KLHL36: variants seen among roughly 807,000 people sequenced by gnomAD.
The protein encoded by KLHL36 is kelch like family member 36, also known as kelch-like protein 36.
In KLHL36, 35 loss-of-function variants were observed where a neutral mutation model predicts 53.3. That is an observed-to-expected ratio of 0.66 (90% CI 0.50 to 0.87). The LOEUF (loss-of-function observed/expected upper bound fraction) is 0.87, where lower values mean the gene tolerates loss of function less well. Ranked by LOEUF, KLHL36 falls within the 40% of genes least tolerant of loss-of-function variation. The pLI is 0.00. For synonymous variants in KLHL36, 472 were observed against 398.9 expected (o/e 1.18, Z -2.18); for missense variants, 864 against 897.6 (o/e 0.96, Z 0.48).
At position 84,650,950 on chromosome 16, in the gene KLHL36, C is replaced by G. The variant is rs1390872064; in HGVS notation, c.63+20C>G. ...TCAAAGGTCTGTGAATGTTCACTCACCACCTATGCAAATTGCCTAAGAAGT... is the reference window on the plus strand; with the variant it reads ...TCAAAGGTCTGTGAATGTTCACTCAGCACCTATGCAAATTGCCTAAGAAGT... On this transcript the variant is annotated intron_variant, in intron 2 of 4. Coordinates refer to ENST00000564996, the MANE Select transcript of KLHL36 (RefSeq NM_024731.4). 3 of 1,585,400 alleles carry G rather than the reference C, an allele frequency of 1.9e-6. No homozygotes were observed. The highest frequency in any genetic ancestry group is 2.6e-6 in the Non-Finnish European group (3 of 1,165,988).
Position 84,667,382 on chromosome 16 carries a change from C to T in KLHL36, c.*5249C>T, listed in dbSNP as rs1029307753. 5 of 152,186 alleles carry T rather than the reference C, an allele frequency of 3.3e-5. No individual in the cohort carries two copies. The highest frequency in any genetic ancestry group is 4.8e-5 in the African/African-American group (2 of 41,424). 9.4% of individuals were successfully genotyped at this position (152,186 alleles called of 1,614,324 possible). The stretch of plus-strand genomic sequence containing the variant: ...TGGCTACTGATGTTACTGAAATCTG[C>T]AATCGTGTATGTTTTTTAATTTGTT... On this transcript the variant is annotated 3_prime_UTR_variant, in exon 5 of 5. Coordinates refer to ENST00000564996, the MANE Select transcript of KLHL36 (RefSeq NM_024731.4).
At chr16:84,659,243 T>G (rs1907402231) in intron 3 of KLHL36, 1 of 152,574 alleles carries the variant, frequency 6.6e-6, no homozygotes, top group Non-Finnish European at 1.5e-5. Flanking sequence ...CCTCAGGTAA[T>G]CCACCCACCT....
At position 84,663,627 on chromosome 16, in the gene KLHL36, C is replaced by T. The variant is rs1907683416; in HGVS notation, c.*1494C>T. The T allele has an allele frequency of 6.6e-6, 1 of 152,176 alleles. No individual in the cohort carries two copies. 9.4% of individuals were successfully genotyped at this position (152,176 alleles called of 1,614,324 possible). ...GTCTTCCTGCAGACAGTTCCGAGAG[C>T]AGGTCTCGATGTCACTTGCCCTTTA... On this transcript the variant is annotated 3_prime_UTR_variant, in exon 5 of 5. Transcript: ENST00000564996.
In KLHL36 at chr16:84,656,853, T is replaced by G. The variant is rs752008537; in HGVS notation, c.64-18T>G. ...GAGCAGGCTGCTGCGCCGTTTCTAA[T>G]GTGTCTTCTCTGTCCAGGTATACCG... On this transcript the variant is annotated intron_variant, in intron 2 of 4. Coordinates refer to ENST00000564996, the MANE Select transcript of KLHL36 (RefSeq NM_024731.4). 5 of 1,583,712 alleles carry G rather than the reference T, an allele frequency of 3.2e-6. No individual in the cohort carries two copies. The highest frequency in any genetic ancestry group is 3.4e-6 in the Non-Finnish European group (4 of 1,160,608).
In KLHL36 at chr16:84,657,062, G is replaced by A. The variant is rs138180158; in HGVS notation, c.255G>A (p.Lys85=). ...FTIGMREAFQ[K]EVELIGASYI... is the part of the protein sequence containing the mutation. Reference sequence around the variant, plus strand: ...TCGGCATGCGGGAAGCTTTCCAGAAGGAGGTGGAGCTGATCGGCGCCTCCT... The same window carrying A: ...TCGGCATGCGGGAAGCTTTCCAGAAAGAGGTGGAGCTGATCGGCGCCTCCT... The change falls in exon 3 of 5, where the codon AAG becomes AAA. Residue 85 remains lysine, a synonymous_variant. Coordinates refer to ENST00000564996, the MANE Select transcript of KLHL36 (RefSeq NM_024731.4). 2 of 1,614,110 alleles carry A rather than the reference G, an allele frequency of 1.2e-6. No individual in the cohort carries two copies. The highest frequency in any genetic ancestry group is 2.7e-5 in the African/African-American group (2 of 74,952).
rs150814145 is a variant in KLHL36, at chr16:84,660,623, C to T, written c.1295+706C>T. On this transcript the variant is annotated intron_variant, in intron 4 of 4. Coordinates refer to ENST00000564996, the MANE Select transcript of KLHL36 (RefSeq NM_024731.4). ...GTTAGAAGTGTGTGGGGTAAGCGCT[C>T]GTATTTTTGTTTTTCTGAGAGAGAG... 5.5e-4 allele frequency among the ~76,000 whole-genome samples: 84 copies of T among 152,066 alleles called. 1 individual carries two copies. The East Asian group carries it at 0.011, about 20-fold the overall frequency.
At chr16:84,658,457 T>C (rs1907354565) in intron 3 of KLHL36, 1 of 152,510 alleles carries the variant, frequency 6.6e-6, no homozygotes. Context: ...TGGGAGATAG[T>C]TTAAGGAGAC....
At chr16:84,650,678 C>G (rs1906813767) in intron 1 of KLHL36, among the ~76,000 whole-genome samples, 174 bp from the exon 2 acceptor site, 1 of 151,896 alleles carries the variant, frequency 6.6e-6, no homozygotes, top group African/African-American at 2.4e-5. Context: ...TTCTAACAAC[C>G]CGATGATTTC....
rs1907889999 is a variant in KLHL36, at chr16:84,667,206, T to C, written c.*5073T>C. 1 of 152,224 alleles carries C rather than the reference T, an allele frequency of 6.6e-6. No homozygotes were observed. The highest frequency in any genetic ancestry group is 2.1e-4 in the South Asian group (1 of 4,824). 9.4% of individuals were successfully genotyped at this position (152,224 alleles called of 1,614,324 possible). On this transcript the variant is annotated 3_prime_UTR_variant, in exon 5 of 5. Transcript: ENST00000564996. ...CTTTGAGAAAGGACACTCCACCTTTTCAAAGGTACTTAAAGCCATCTTTAC... is the reference window on the plus strand; with the variant it reads ...CTTTGAGAAAGGACACTCCACCTTTCCAAAGGTACTTAAAGCCATCTTTAC...
Position 84,661,624 on chromosome 16 carries a change from A to T in KLHL36, c.1342A>T (p.Ile448Phe). ...CACCATCTACAAAGACTTCGTGTAC[A>T]TCTCGGGGGGCCACGACTACCAAAT... is the stretch of plus-strand genomic sequence containing the variant. ...AGTIYKDFVY[I>F]SGGHDYQIGP... is the part of the protein sequence containing the mutation. Residue 448 changes from isoleucine to phenylalanine, a missense_variant, in exon 5 of 5, where the codon ATC (isoleucine) becomes TTC (phenylalanine). Physicochemically the swap from Ile to Phe is conservative, Grantham distance 21. Transcript: ENST00000564996. This position sits in a 1 kb window ranked among gnomAD's most constrained non-coding sequence, Gnocchi z 7.9. 6.2e-7 allele frequency: 1 copy of T among 1,610,334 alleles called. No homozygotes were observed. The highest frequency in any genetic ancestry group is 8.5e-7 in the Non-Finnish European group (1 of 1,178,522).
chr16:84,659,557 T>G lies in KLHL36; in HGVS notation c.1138-203T>G, dbSNP rs1907421925. On this transcript the variant is annotated intron_variant, in intron 3 of 4. Coordinates refer to ENST00000564996, the MANE Select transcript of KLHL36 (RefSeq NM_024731.4). ...GGACTCAGAGCGTCTCCATCCCACT[T>G]TTGGGGATTCAGAGCATCTTGGTGA... The G allele has an allele frequency of 9.0e-6, 5 of 552,926 alleles. No homozygotes were observed. In the South Asian group the frequency reaches 9.4e-5, roughly 10 times the overall value. The allele number at this position is 552,926 out of a possible 1,614,324, so 34.3% of individuals were successfully genotyped here. A position where few individuals can be genotyped will look rare whatever the true frequency, so the allele number is the denominator to read the frequency against.
At chr16:84,650,711 T>G (rs1906817666) in intron 1 of KLHL36, 141 bp from the exon 2 acceptor site, 3 of 611,362 alleles carry the variant, frequency 4.9e-6, no homozygotes, top group South Asian at 3.9e-5. Context: ...AAAAGAGTTC[T>G]TTGTAGTGCA....
rs148992118 is a variant in KLHL36, at chr16:84,653,765, G to A, written c.63+2835G>A. 3.4e-3 allele frequency among the ~76,000 whole-genome samples: 508 copies of A among 151,230 alleles called. 3 individuals are homozygous for A. The highest frequency in any genetic ancestry group is 0.012 in the African/African-American group (484 of 41,154). On this transcript the variant is annotated intron_variant, in intron 2 of 4. Transcript: ENST00000564996. ...TGAGGCAGGAGAATCGCCTGAACCT[G>A]GGAGGCGGAGGTTGCAGTGAGCCGA...
Position 84,657,432 on chromosome 16 carries a change from G to A in KLHL36, c.625G>A (p.Asp209Asn), listed in dbSNP as rs764085812. ...SSEVQRECEH[D>N]LLQAALQWLT... Reference sequence around the variant, plus strand: ...CGAGGTGCAGCGGGAGTGTGAGCACGACCTCCTGCAGGCCGCCCTGCAGTG... The same window carrying A: ...CGAGGTGCAGCGGGAGTGTGAGCACAACCTCCTGCAGGCCGCCCTGCAGTG... Residue 209 changes from aspartate (D) to asparagine (N), a missense_variant, in exon 3 of 5, where the codon GAC becomes AAC. Coordinates refer to ENST00000564996, the MANE Select transcript of KLHL36 (RefSeq NM_024731.4). The A allele has an allele frequency of 4.0e-5, 65 of 1,606,100 alleles. No homozygotes were observed. In the East Asian group the frequency reaches 4.2e-4, roughly 10 times the overall value.
At chr16:84,650,616 A>T (rs535152181) in intron 1 of KLHL36, among the ~76,000 whole-genome samples, 3 of 152,282 alleles carry the variant, frequency 2.0e-5, no homozygotes, top group Admixed American at 2.0e-4. Flanking sequence ...ACCAAATGAC[A>T]TGATATCAGA....
rs77843315 is a variant in KLHL36, at chr16:84,655,788, C to A, written c.64-1083C>A. ...GTTTTCTTCCTCCAACCACATTTCC[C>A]CTCTTCAGGCTAGTGCCCAGCCAGT... is the stretch of plus-strand genomic sequence containing the variant. On this transcript the variant is annotated intron_variant, in intron 2 of 4. Transcript: ENST00000564996. Among the ~76,000 whole-genome samples, 995 of 152,212 alleles carry A rather than the reference C, an allele frequency of 6.5e-3. 11 individuals are homozygous for A. Among genetic ancestry groups the A allele is most frequent in the African/African-American group, 0.023 (967 of 41,546 alleles).
In KLHL36 at chr16:84,662,884, A is replaced by G. The variant is rs867942392; in HGVS notation, c.*751A>G. ...ACCTTCTTGAATTCTAAAACGTTAC[A>G]GGTAACCAAAAACGAAAAAAGGTAT... On this transcript the variant is annotated 3_prime_UTR_variant, in exon 5 of 5. Transcript: ENST00000564996. 6.6e-6 allele frequency: 1 copy of G among 152,144 alleles called. No homozygotes were observed. The highest frequency in any genetic ancestry group is 1.5e-5 in the Non-Finnish European group (1 of 68,038). 9.4% of individuals were successfully genotyped at this position (152,144 alleles called of 1,614,324 possible). A position where few individuals can be genotyped will look rare whatever the true frequency, so the allele number is the denominator to read the frequency against.
In KLHL36 at chr16:84,650,723, G is replaced by T. The variant is rs199678493; in HGVS notation, c.-16-129G>T. On this transcript the variant is annotated intron_variant, in intron 1 of 4. Transcript: ENST00000564996. ...TGTAAAAGAGTTCTTTGTAGTGCACGGTCCTCCCTCCCTCCTTCTTCCGTG... is the reference window on the plus strand; with the variant it reads ...TGTAAAAGAGTTCTTTGTAGTGCACTGTCCTCCCTCCCTCCTTCTTCCGTG... The T allele has an allele frequency of 1.5e-5, 10 of 653,562 alleles. No homozygotes were observed. The African/African-American group carries it at 1.7e-4, about 11-fold the overall frequency. The allele number at this position is 653,562 out of a possible 1,614,324, so 40.5% of individuals were successfully genotyped here.
At chr16:84,651,958 C>G (rs908230800) in intron 2 of KLHL36, among the ~76,000 whole-genome samples, 2 of 152,278 alleles carry the variant, frequency 1.3e-5, no homozygotes, top group East Asian at 3.9e-4. Flanking sequence ...GAAAGAGATT[C>G]TACAGATTCT....
Sources: allele counts gnomAD v4.1 joint callset (sites outside exome capture counted in the v4.1 genomes callset), GRCh38; gene constraint gnomAD v4.1.1; non-coding constraint Gnocchi (gnomAD v3.1); transcripts MANE v1.5; gene names NCBI Gene and HGNC (gene_info 2026-07-23, HGNC 2026-07-21).